The following AGBL5 variants were observed in gnomAD, a reference collection of about 807,000 sequenced individuals.
The protein encoded by AGBL5 is cytosolic carboxypeptidase-like protein 5.
AGBL5 carries 51 observed loss-of-function variants against 88.0 expected under a neutral mutation model. The observed-to-expected ratio is 0.58, with a 90% confidence interval of 0.46 to 0.73. AGBL5 has a LOEUF of 0.73. AGBL5 is among the 30% of genes least tolerant of loss of function. The probability of loss-of-function intolerance (pLI) is 0.00; values close to 1 mark genes in which losing one functional copy is unlikely to be tolerated. For synonymous variants in AGBL5, 446 were observed against 438.8 expected (o/e 1.02, Z -0.21); for missense variants, 1,031 against 1,162.2 (o/e 0.89, Z 1.64).
intron 14 of AGBL5, 77 bp downstream of exon 14, chr2:27,069,783 T>C (rs10865461): frequency 0.61 from 936,485 of 1,536,120 alleles, 291,441 homozygotes; most frequent in East Asian, 0.78. Context: ...TTCAGAATAA[T>C]TTTCTGCTTC....
intron 1 of AGBL5, chr2:27,052,644 AG>A (rs1668217701): frequency 4.8e-6 from 1 of 208,724 alleles, no homozygotes; most frequent in Non-Finnish European, 9.5e-6. Context: ...TTTTCAACAT[AG>A]TTAAGCCACT....
Position 27,069,625 on chromosome 2 carries a change from G to C in AGBL5, c.2408G>C (p.Gly803Ala), listed in dbSNP as rs1669178500. Residue 803 changes from glycine (G) to alanine (A), a missense_variant, in exon 14 of 15, where the codon GGC (glycine) becomes GCC (alanine). Gly to Ala is a moderately conservative substitution (Grantham distance 60, BLOSUM62 0). This residue lies in a region of AGBL5 where 491 missense variants were observed against 484.0 expected (regional missense o/e 1.01). Coordinates refer to ENST00000360131, the MANE Select transcript of AGBL5 (RefSeq NM_021831.6). Reference sequence around the variant, plus strand: ...CCGCCGACTCGCAGAGGGATGAAAGGCTCTTCAGGCCCCACATCCCCTACC... The same window carrying C: ...CCGCCGACTCGCAGAGGGATGAAAGCCTCTTCAGGCCCCACATCCCCTACC... ...GSPPTRRGMK[G>A]SSGPTSPTPR... The C allele has an allele frequency of 6.2e-7, 1 of 1,614,190 alleles. No individual in the cohort carries two copies. Among genetic ancestry groups the C allele is most frequent in the South Asian group, 1.1e-5 (1 of 91,088 alleles).
At position 27,056,764 on chromosome 2, in the gene AGBL5, A is replaced by G; in HGVS notation, c.1507A>G (p.Ile503Val). ...TAAAGAGGGAAGCGGCCGTGTTGCAATCTACAAAGCCTCAGGGATAATCCA... is the reference window on the plus strand; with the variant it reads ...TAAAGAGGGAAGCGGCCGTGTTGCAGTCTACAAAGCCTCAGGGATAATCCA... The part of the protein sequence containing the change: ...QSKEGSGRVA[I>V]YKASGIIHSY... The change falls in exon 8 of 15, where the codon ATC becomes GTC. Residue 503 changes from isoleucine to valine, a missense_variant. Ile to Val is a conservative substitution (Grantham distance 29). Transcript: ENST00000360131. 6.2e-7 allele frequency: 1 copy of G among 1,613,214 alleles called. No individual in the cohort carries two copies.
chr2:27,067,036 T>C (rs556133944), intron 11 of AGBL5, among the ~76,000 whole-genome samples: 23 of 151,418 alleles, frequency 1.5e-4, no homozygotes, highest in African/African-American at 4.6e-4. Context: ...TGAACCAAGA[T>C]CGCACCACCA....
chr2:27,061,399 G>A (rs1380059314), intron 11 of AGBL5, among the ~76,000 whole-genome samples: 2 of 152,110 alleles, frequency 1.3e-5, no homozygotes, highest in Non-Finnish European at 2.9e-5. Flanking sequence ...ACCACGTCTG[G>A]CTAATTTTTG....
upstream of AGBL5, among the ~76,000 whole-genome samples, chr2:27,050,516 C>T (rs1558406697): frequency 6.6e-6 from 1 of 152,246 alleles, no homozygotes; most frequent in South Asian, 2.1e-4. Flanking sequence ...GTTCGCGGTC[C>T]AGGAGAAACC....
At chr2:27,051,489 G>A (rs1668138985), upstream of AGBL5, 1 of 152,206 alleles carries the variant, frequency 6.6e-6, no homozygotes, top group Admixed American at 6.5e-5. Context: ...ACCGTCTTCC[G>A]GAAGACGCTG....
At chr2:27,050,871 C>T (rs983738420), upstream of AGBL5, 12 of 152,196 alleles carry the variant, frequency 7.9e-5, no homozygotes, top group Non-Finnish European at 1.3e-4. Context: ...GCTCGAAGGA[C>T]TTCGTCTGTA....
intron 11 of AGBL5, among the ~76,000 whole-genome samples, chr2:27,064,726 T>A (rs1362831087): frequency 1.3e-5 from 2 of 151,402 alleles, no homozygotes; most frequent in Non-Finnish European, 2.9e-5. Flanking sequence ...CATTCAATTT[T>A]TTTTTTTTCC....
chr2:27,069,200 TG>T, intron 13 of AGBL5: 1 of 1,351,612 alleles, frequency 7.4e-7, no homozygotes, highest in Non-Finnish European at 9.7e-7. Context: ...GCTGACTGGA[TG>T]GGTGAAGTGT....
Position 27,053,105 on chromosome 2 carries a change from C to A in AGBL5, c.147C>A (p.Ser49=). ...ASALTSGIAS[S]PDYEFNVWTR... is the part of the protein sequence containing the mutation. The stretch of plus-strand genomic sequence containing the variant: ...CCCTGACCAGTGGCATTGCCTCTTC[C>A]CCTGACTATGAATTCAACGTGTGGA... Residue 49 remains serine, a synonymous_variant, in exon 2 of 15, where the codon TCC becomes TCA. Coordinates refer to ENST00000360131, the MANE Select transcript of AGBL5 (RefSeq NM_021831.6). This position sits in a 1 kb window ranked among gnomAD's most constrained non-coding sequence, Gnocchi z 4.9. 6.2e-7 allele frequency: 1 copy of A among 1,612,878 alleles called. No homozygotes were observed. Among genetic ancestry groups the A allele is most frequent in the African/African-American group, 1.3e-5 (1 of 75,024 alleles).
intron 1 of AGBL5, 28 bp from the exon 2 acceptor site, chr2:27,052,885 C>T: frequency 7.3e-7 from 1 of 1,371,516 alleles, no homozygotes; most frequent in East Asian, 2.5e-5. Context: ...TCCCTTTCCT[C>T]CTTAACCTAA....
chr2:27,050,439 C>G (rs963616054), upstream of AGBL5, among the ~76,000 whole-genome samples: 3 of 152,232 alleles, frequency 2.0e-5, no homozygotes, highest in African/African-American at 4.8e-5. Flanking sequence ...TCGCAAAGCC[C>G]CTGTGAGTGC....
At chr2:27,058,061 G>A (rs1668527459) in intron 9 of AGBL5, among the ~76,000 whole-genome samples, 1 of 150,700 alleles carries the variant, frequency 6.6e-6, no homozygotes, top group Non-Finnish European at 1.5e-5. Context: ...CTGGGCAATA[G>A]ATCAAGATGC....
chr2:27,052,656 G>A (rs2148266191), intron 1 of AGBL5: 1 of 231,180 alleles, frequency 4.3e-6, no homozygotes, highest in African/African-American at 2.2e-5. Context: ...TTAAGCCACT[G>A]AGTTTTATTT....
In AGBL5 at chr2:27,053,967, C is replaced by A; in HGVS notation, c.459C>A (p.Phe153Leu). Residue 153 changes from phenylalanine (F) to leucine (L), a missense_variant, in exon 4 of 15, where the codon TTC (phenylalanine) becomes TTA (leucine). Physicochemically the swap from Phe to Leu is conservative, Grantham distance 22 (BLOSUM62 0). This residue lies in a region of AGBL5 where 540 missense variants were observed against 678.2 expected (regional missense o/e 0.80). Coordinates refer to ENST00000360131, the MANE Select transcript of AGBL5 (RefSeq NM_021831.6). The surrounding 1 kb of genome is among the most constrained non-coding windows in gnomAD (Gnocchi z 4.9). ...AGGGCCGTGGGGCCACCACCTTCTT[C>A]GCCTTCTGCTACCCCTTCTCCTACA... ...FVEGRGATTFFAFCYPFSYSD... is the reference protein window; with the variant it reads ...FVEGRGATTFLAFCYPFSYSD... 6.2e-7 allele frequency: 1 copy of A among 1,614,180 alleles called. No individual in the cohort carries two copies. Among genetic ancestry groups the A allele is most frequent in the Non-Finnish European group, 8.5e-7 (1 of 1,180,038 alleles).
At chr2:27,057,006 A>C (rs530650770) in intron 8 of AGBL5, 2 of 585,978 alleles carry the variant, frequency 3.4e-6, no homozygotes, top group Admixed American at 3.4e-5. Context: ...CAAAAAAAAA[A>C]CAAAAAACAA....
At chr2:27,052,534 A>G (rs1174489022) in intron 1 of AGBL5, 2 of 154,472 alleles carry the variant, frequency 1.3e-5, no homozygotes, top group African/African-American at 4.8e-5. Flanking sequence ...AAAGGTGGCC[A>G]TGTATGGTGG....
Position 27,056,082 on chromosome 2 carries a change from G to C in AGBL5, c.1309G>C (p.Ala437Pro). Residue 437 changes from alanine to proline, a missense_variant, in exon 7 of 15, where the codon GCT becomes CCT. Physicochemically the swap from Ala to Pro is conservative, Grantham distance 27 (BLOSUM62 -1). Transcript: ENST00000360131. ...VAYYVDLHGHASKRGCFMYGN... is the reference protein window; with the variant it reads ...VAYYVDLHGHPSKRGCFMYGN... ...TTACTATGTGGACCTGCATGGACAT[G>C]CTTCCAAAAGGGGCTGCTTCATGTA... 6.2e-7 allele frequency: 1 copy of C among 1,614,110 alleles called. No individual in the cohort carries two copies. The highest frequency in any genetic ancestry group is 8.5e-7 in the Non-Finnish European group (1 of 1,179,962).
Sources: gnomAD v4.1 joint callset for allele counts (sites outside exome capture counted in the v4.1 genomes callset) on GRCh38, gnomAD v4.1.1 for gene constraint, gnomAD v4.1.1 regional missense constraint, Gnocchi (gnomAD v3.1) non-coding constraint, MANE v1.5 for transcripts, NCBI Gene and HGNC (gene_info 2026-07-23, HGNC 2026-07-21) for gene names.